RNF17: variants seen among roughly 807,000 people sequenced by gnomAD.
The protein encoded by RNF17 is ring finger protein 17.
Under a neutral mutation model 200.5 loss-of-function variants are expected in RNF17, and 31 were observed. The observed-to-expected ratio is 0.15, with a 90% CI of 0.12 to 0.21. The LOEUF is 0.21. RNF17 is among the 10% of genes least tolerant of loss of function. RNF17 has a pLI of 1.00. For synonymous variants in RNF17, 606 were observed against 637.8 expected (o/e 0.95, Z 0.75); for missense variants, 1,628 against 1,905.1 (o/e 0.85, Z 2.71).
chr13:24,781,153 T>C (rs1882310534), intron 5 of RNF17, among the ~76,000 whole-genome samples: 1 of 152,034 alleles, frequency 6.6e-6, no homozygotes, highest in African/African-American at 2.4e-5. Flanking sequence ...AATACTAAGA[T>C]TGTGTAATAC....
chr13:24,794,674 A>G (rs1884320140), intron 10 of RNF17, among the ~76,000 whole-genome samples: 1 of 143,480 alleles, frequency 7.0e-6, no homozygotes, highest in Non-Finnish European at 1.6e-5. Flanking sequence ...CCTCATCTCA[A>G]ATAAATGAAT....
Position 24,802,326 on chromosome 13 carries a change from G to GT in RNF17, c.1759-54dup, listed in dbSNP as rs1254565467. 55 of 1,462,482 alleles carry GT rather than the reference G, an allele frequency of 3.8e-5. No individual in the cohort carries two copies. In the East Asian group the frequency reaches 4.1e-4, roughly 11 times the overall value. 90.6% of individuals were successfully genotyped at this position (1,462,482 alleles called of 1,614,324 possible). A position where few individuals can be genotyped will look rare whatever the true frequency, so the allele number is the denominator to read the frequency against. ...GGTACAAACCTAAATCCAGAACATT[G>GT]TAACATTAGCGATACTTACAATTAA... On this transcript the variant is annotated intron_variant, in intron 13 of 35. Coordinates refer to ENST00000255324, the MANE Select transcript of RNF17 (RefSeq NM_031277.3).
intron 33 of RNF17, among the ~76,000 whole-genome samples, chr13:24,875,167 C>G (rs923346210): frequency 6.6e-6 from 1 of 152,094 alleles, no homozygotes; most frequent in African/African-American, 2.4e-5. Flanking sequence ...CATGTCTGAA[C>G]AGGATCTAGT....
At chr13:24,839,064 C>T (rs1234429771) in intron 18 of RNF17, among the ~76,000 whole-genome samples, 2 of 152,066 alleles carry the variant, frequency 1.3e-5, no homozygotes, top group African/African-American at 4.8e-5. Flanking sequence ...AACTCAACCC[C>T]TTTTACAATA....
intron 2 of RNF17, among the ~76,000 whole-genome samples, chr13:24,771,911 G>GA (rs1880780290): frequency 6.6e-6 from 1 of 152,152 alleles, no homozygotes; most frequent in South Asian, 2.1e-4. Flanking sequence ...GGCTGAGGCA[G>GA]AAGAATCACT....
chr13:24,839,703 G>T (rs1017561294), intron 18 of RNF17, among the ~76,000 whole-genome samples: 1 of 152,054 alleles, frequency 6.6e-6, no homozygotes. Flanking sequence ...AACTGGATCC[G>T]CATCTCTTAC....
intron 20 of RNF17, among the ~76,000 whole-genome samples, chr13:24,844,324 A>G (rs1947879632): frequency 2.0e-5 from 3 of 152,156 alleles, no homozygotes; most frequent in African/African-American, 4.8e-5. Flanking sequence ...GTAGATGGTG[A>G]TAAGGGAAAT....
intron 22 of RNF17, among the ~76,000 whole-genome samples, chr13:24,845,797 G>C (rs193080357): frequency 6.6e-6 from 1 of 152,154 alleles, no homozygotes; most frequent in Non-Finnish European, 1.5e-5. Flanking sequence ...ATACTGGAGC[G>C]TTTTTAGCCG....
chr13:24,841,848 C>T lies in RNF17; in HGVS notation c.2483-193C>T, dbSNP rs570897571. 4.6e-5 allele frequency among the ~76,000 whole-genome samples: 7 copies of T among 152,108 alleles called. No homozygotes were observed. In the South Asian group the frequency reaches 1.5e-3, roughly 32 times the overall value. On this transcript the variant is annotated intron_variant, in intron 18 of 35. Transcript: ENST00000255324. ...GTGGTGGCGCGACAGTGTCTGTAGT[C>T]CCAGCTACTCGGGAGGCTCAGGCAG...
At chr13:24,883,299 C>T (rs1953916659), downstream of RNF17, 2 of 1,613,752 alleles carry the variant, frequency 1.2e-6, no homozygotes, top group Admixed American at 1.7e-5. Flanking sequence ...TCTGGGTATT[C>T]CCGTCTCTTG....
chr13:24,796,799 C>T (rs546013563), intron 11 of RNF17, among the ~76,000 whole-genome samples: 6 of 152,044 alleles, frequency 3.9e-5, no homozygotes, highest in East Asian at 3.8e-4. Context: ...GCTTTTGTTA[C>T]GAGTATTTTT....
Position 24,781,890 on chromosome 13 carries a change from T to A in RNF17, c.557T>A (p.Val186Asp). ...CAAACGATAGAGGAAAGAGAAAGAG[T>A]TATAGAAGTTGTGGAGAAACAGTTT... The part of the protein sequence containing the change: ...QKQTIEERER[V>D]IEVVEKQFDQ... The change falls in exon 6 of 36, where the codon GTT becomes GAT. Residue 186 changes from valine to aspartate, a missense_variant. By Grantham distance (152) the Val-to-Asp change is radical. Transcript: ENST00000255324. The A allele has an allele frequency of 6.2e-7, 1 of 1,613,042 alleles. No individual in the cohort carries two copies. Among genetic ancestry groups the A allele is most frequent in the Non-Finnish European group, 8.5e-7 (1 of 1,179,746 alleles).
intron 29 of RNF17, 30 bp from the exon 30 acceptor site, chr13:24,866,114 G>A: frequency 1.6e-6 from 2 of 1,213,496 alleles, no homozygotes; most frequent in Non-Finnish European, 2.4e-6. Flanking sequence ...ATAGCTAAAG[G>A]TGATTTTACT....
Position 24,825,605 on chromosome 13 carries a change from C to T in RNF17, c.2092-14C>T. 6.5e-7 allele frequency: 1 copy of T among 1,534,528 alleles called. No homozygotes were observed. Among genetic ancestry groups the T allele is most frequent in the Non-Finnish European group, 9.0e-7 (1 of 1,113,328 alleles). Reference sequence around the variant, plus strand: ...TTCTGTGAAATGACAGTGCTTTATCCCTTTATTTACTAGATAGAGGGCCTG... The same window carrying T: ...TTCTGTGAAATGACAGTGCTTTATCTCTTTATTTACTAGATAGAGGGCCTG... On this transcript the variant is annotated splice_polypyrimidine_tract_variant and intron_variant, in intron 15 of 35. Transcript: ENST00000255324.
chr13:24,823,545 CAG>C (rs1296581893), intron 15 of RNF17, among the ~76,000 whole-genome samples: 1 of 151,138 alleles, frequency 6.6e-6, no homozygotes, highest in East Asian at 1.9e-4. Context: ...AAAGAAGAGA[CAG>C]AGAAAGAGGA....
upstream of RNF17, among the ~76,000 whole-genome samples, chr13:24,761,941 T>G (rs1161219918): frequency 6.6e-6 from 1 of 152,172 alleles, no homozygotes; most frequent in Non-Finnish European, 1.5e-5. Context: ...GCAATGAGAT[T>G]GTCATTATTC....
chr13:24,874,294 T>G, intron 33 of RNF17, 45 bp downstream of exon 33: 3 of 1,308,404 alleles, frequency 2.3e-6, no homozygotes, highest in Non-Finnish European at 3.1e-6. Flanking sequence ...TCTTTTTTTT[T>G]AAATAGTTTT....
chr13:24,856,040 G>C (rs954323968), intron 25 of RNF17, among the ~76,000 whole-genome samples: 1 of 152,064 alleles, frequency 6.6e-6, no homozygotes. Context: ...TGTCTTTTCA[G>C]TGTCTTTTGG....
intron 1 of RNF17, 56 bp downstream of exon 1, chr13:24,764,389 G>C: frequency 6.6e-7 from 1 of 1,509,172 alleles, no homozygotes; most frequent in Non-Finnish European, 8.9e-7. Flanking sequence ...AGCGCTGGGG[G>C]CCAGGTGAGC....
Sources: gnomAD v4.1 joint callset for allele counts (sites outside exome capture counted in the v4.1 genomes callset) on GRCh38, gnomAD v4.1.1 for gene constraint, MANE v1.5 for transcripts, NCBI Gene and HGNC (gene_info 2026-07-23, HGNC 2026-07-21) for gene names.